The following PLGRKT variants were observed in gnomAD, a reference collection of about 807,000 sequenced individuals.
PLGRKT encodes plasminogen receptor with a C-terminal lysine, also known as plasminogen receptor (KT).
In PLGRKT, 22 loss-of-function variants were observed where a neutral mutation model predicts 18.5. That is an observed-to-expected ratio of 1.19 (90% confidence interval 0.85 to 1.70). The LOEUF is 1.70. Among genes scored for constraint, PLGRKT ranks in the 40% most tolerant of loss-of-function variants. The probability of loss-of-function intolerance (pLI) is 0.00; values close to 1 mark genes in which losing one functional copy is unlikely to be tolerated. For missense variants in PLGRKT, 235 were observed against 174.4 expected (o/e 1.35, Z -1.96); for synonymous variants, 72 against 52.8 (o/e 1.36, Z -1.58).
At chr9:5,386,451 G>C (rs150548715) in intron 3 of PLGRKT, among the ~76,000 whole-genome samples, 2,076 of 151,884 alleles carry the variant, frequency 0.014, 94 homozygotes, top group African/African-American at 0.047. Flanking sequence ...AGTGGGTAGA[G>C]GTCAAGGATG....
chr9:5,400,793 C>G (rs1460804324), intron 3 of PLGRKT, among the ~76,000 whole-genome samples: 2 of 151,934 alleles, frequency 1.3e-5, no homozygotes, highest in African/African-American at 4.9e-5. Context: ...CTATCCTTAA[C>G]ATAAACAAAT....
At chr9:5,392,411 G>A (rs1817966991) in intron 3 of PLGRKT, 2 of 151,842 alleles carry the variant, frequency 1.3e-5, no homozygotes, top group African/African-American at 4.9e-5. Context: ...CCTATTCACT[G>A]TATCATTATT....
chr9:5,361,841 C>T lies in PLGRKT; in HGVS notation c.129G>A (p.Met43Ile). The T allele has an allele frequency of 6.2e-7, 1 of 1,612,916 alleles. No individual in the cohort carries two copies. The highest frequency in any genetic ancestry group is 8.5e-7 in the Non-Finnish European group (1 of 1,179,230). The change falls in exon 4 of 6, where the codon ATG becomes ATA. Residue 43 changes from methionine (M) to isoleucine (I), a missense_variant. By Grantham distance (10) the Met-to-Ile change is conservative. Coordinates refer to ENST00000223864, the MANE Select transcript of PLGRKT (RefSeq NM_018465.4). ...IMQSEMRERQ[M>I]AMQIAWSREF... ...CCCGAGACCACGCAATCTGCATGGC[C>T]ATTTGTCTTTCCCTCATTTCACTCT...
At chr9:5,389,133 T>C (rs997077941) in intron 3 of PLGRKT, among the ~76,000 whole-genome samples, 4 of 151,884 alleles carry the variant, frequency 2.6e-5, no homozygotes, top group Non-Finnish European at 5.9e-5. Flanking sequence ...CTGGATTGGA[T>C]GCTGTCAGGA....
chr9:5,403,351 G>T (rs533099068), intron 3 of PLGRKT, among the ~76,000 whole-genome samples: 1 of 149,430 alleles, frequency 6.7e-6, no homozygotes, highest in Non-Finnish European at 1.5e-5. Context: ...AGCCTCCTGA[G>T]TAGCTGGGAT....
In PLGRKT at chr9:5,386,492, C is replaced by T. The variant is rs149727873; in HGVS notation, c.82-24604G>A. On this transcript the variant is annotated intron_variant, in intron 3 of 5. Transcript: ENST00000223864. ...GAACATCATATGATATGCAGTGGAC[C>T]CCCACACACACACAACAAAACAATT... 7.9e-5 allele frequency among the ~76,000 whole-genome samples: 12 copies of T among 151,734 alleles called. No individual in the cohort carries two copies. In the South Asian group the frequency reaches 2.5e-3, roughly 32 times the overall value.
intron 3 of PLGRKT, among the ~76,000 whole-genome samples, chr9:5,365,533 A>C (rs1483399846): frequency 6.6e-6 from 1 of 152,172 alleles, no homozygotes; most frequent in Non-Finnish European, 1.5e-5. Context: ...ACTTGCTCCC[A>C]ATGAAAACAG....
At chr9:5,377,721 T>C (rs367962975) in intron 3 of PLGRKT, among the ~76,000 whole-genome samples, 7 of 152,104 alleles carry the variant, frequency 4.6e-5, no homozygotes, top group African/African-American at 1.2e-4. Flanking sequence ...ATTTAATACC[T>C]ACCCACGTAA....
intron 3 of PLGRKT, among the ~76,000 whole-genome samples, chr9:5,388,479 T>A (rs868459310): frequency 6.6e-6 from 1 of 152,158 alleles, no homozygotes; most frequent in South Asian, 2.1e-4. Context: ...ATAAACTCAC[T>A]ATTCTTGCCA....
chr9:5,424,665 A>ATT (rs1387074701), intron 3 of PLGRKT, among the ~76,000 whole-genome samples: 29 of 106,712 alleles, frequency 2.7e-4, no homozygotes, highest in African/African-American at 7.5e-4. Flanking sequence ...ATAATTATAT[A>ATT]TTTTATATAT....
At chr9:5,360,486 G>A (rs1288736855) in intron 5 of PLGRKT, among the ~76,000 whole-genome samples, 1 of 152,156 alleles carries the variant, frequency 6.6e-6, no homozygotes, top group Non-Finnish European at 1.5e-5. Flanking sequence ...CAGGTGGCCA[G>A]CCTCAGGCCA....
intron 4 of PLGRKT, 21 bp from the exon 5 acceptor site, chr9:5,361,208 A>C (rs1563764225): frequency 3.6e-6 from 5 of 1,401,114 alleles, no homozygotes; most frequent in Non-Finnish European, 5.0e-6. Flanking sequence ...AATTAAAAGA[A>C]GAACCAATAT....
At chr9:5,422,076 G>C (rs1026099971) in intron 3 of PLGRKT, among the ~76,000 whole-genome samples, 2 of 152,150 alleles carry the variant, frequency 1.3e-5, no homozygotes, top group South Asian at 4.1e-4. Flanking sequence ...GGTAGTAAAA[G>C]TTCTTAATAA....
At chr9:5,394,065 T>C (rs1012834348) in intron 3 of PLGRKT, among the ~76,000 whole-genome samples, 3 of 151,904 alleles carry the variant, frequency 2.0e-5, no homozygotes, top group African/African-American at 7.3e-5. Flanking sequence ...ATTTTTATCA[T>C]TAACACCAAG....
intron 3 of PLGRKT, among the ~76,000 whole-genome samples, chr9:5,388,588 G>A (rs1242157041): frequency 6.6e-6 from 1 of 152,032 alleles, no homozygotes; most frequent in African/African-American, 2.4e-5. Flanking sequence ...CTTAAAATGA[G>A]GAAGTAGAGA....
At chr9:5,377,465 C>T (rs1021511676) in intron 3 of PLGRKT, among the ~76,000 whole-genome samples, 2 of 151,876 alleles carry the variant, frequency 1.3e-5, no homozygotes, top group Non-Finnish European at 2.9e-5. Flanking sequence ...ATTTTTTTCT[C>T]CTTTGTATTT....
At chr9:5,412,589 G>C (rs974697696) in intron 3 of PLGRKT, among the ~76,000 whole-genome samples, 4 of 152,156 alleles carry the variant, frequency 2.6e-5, no homozygotes, top group Non-Finnish European at 4.4e-5. Flanking sequence ...CCAGCCTCTA[G>C]AACCATGAGC....
chr9:5,420,235 C>T (rs1818549112), intron 3 of PLGRKT, among the ~76,000 whole-genome samples: 1 of 152,102 alleles, frequency 6.6e-6, no homozygotes, highest in Non-Finnish European at 1.5e-5. Context: ...TTGCAAAGGG[C>T]TGAGGAAGGA....
chr9:5,429,596 G>A (rs1243775175), intron 3 of PLGRKT, among the ~76,000 whole-genome samples: 1 of 152,170 alleles, frequency 6.6e-6, no homozygotes, highest in Non-Finnish European at 1.5e-5. Flanking sequence ...GCATAGTCCA[G>A]TATGAATTGT....
Sources: allele counts gnomAD v4.1 joint callset (sites outside exome capture counted in the v4.1 genomes callset), GRCh38; gene constraint gnomAD v4.1.1; transcripts MANE v1.5; gene names NCBI Gene and HGNC (gene_info 2026-07-23, HGNC 2026-07-21).